Variants in B4GALT7 observed in about 807,000 individuals in gnomAD.
B4GALT7 encodes the protein UDP-Gal:beta-GlcNAc beta-1,4-galactosyltransferase 7.
In B4GALT7, 30 loss-of-function variants were observed where a neutral mutation model predicts 33.0. The ratio of observed to expected loss-of-function variants is 0.91; its 90% confidence interval spans 0.68 to 1.23. The LOEUF is 1.23. Ranked by LOEUF, B4GALT7 falls within the 50% of genes most tolerant of loss-of-function variation. B4GALT7 has a pLI of 0.00. For missense variants in B4GALT7, 507 were observed against 450.8 expected, an observed-to-expected ratio of 1.12 and a Z score of -1.13; for synonymous variants, 213 against 187.2, an observed-to-expected ratio of 1.14 and a Z score of -1.13.
intron 5 of B4GALT7, 138 bp from the exon 6 acceptor site, chr5:177,609,402 G>T: frequency 8.7e-7 from 1 of 1,143,396 alleles, no homozygotes; most frequent in Admixed American, 1.7e-5. Context: ...TGGGCAAGAG[G>T]CTTCACTGCT....
At chr5:177,602,785 AGAG>A (rs1447379549) in intron 1 of B4GALT7, 2 of 981,364 alleles carry the variant, frequency 2.0e-6, no homozygotes, top group Non-Finnish European at 2.4e-6. Flanking sequence ...TCTGGCAAAC[AGAG>A]GAGGGTCATT....
At chr5:177,602,520 G>A (rs1767873220) in intron 1 of B4GALT7, among the ~76,000 whole-genome samples, 1 of 152,118 alleles carries the variant, frequency 6.6e-6, no homozygotes. Context: ...GGAGCATTAT[G>A]GGGGCAGGGG....
At position 177,608,395 on chromosome 5, in the gene B4GALT7, C is replaced by A. The variant is rs997315062; in HGVS notation, c.640-144C>A. ...CCGGGACGCGCTGCTTCCTGCCGCC[C>A]GCACTGCAGAAGTGCAGGAGCCTGC... On this transcript the variant is annotated intron_variant, in intron 3 of 5. Transcript: ENST00000029410. The surrounding 1 kb of genome is among the most constrained non-coding windows in gnomAD (Gnocchi z 4.1). 1.4e-6 allele frequency: 1 copy of A among 700,732 alleles called. No homozygotes were observed. The highest frequency in any genetic ancestry group is 2.5e-6 in the Non-Finnish European group (1 of 400,322). The allele number at this position is 700,732 out of a possible 1,614,324, so 43.4% of individuals were successfully genotyped here. A position where few individuals can be genotyped will look rare whatever the true frequency, so the allele number is the denominator to read the frequency against.
At chr5:177,601,962 T>A (rs559151556) in intron 1 of B4GALT7, among the ~76,000 whole-genome samples, 1 of 152,322 alleles carries the variant, frequency 6.6e-6, no homozygotes, top group South Asian at 2.1e-4. Context: ...GGAATTAGCG[T>A]GTGGACGTGC....
At chr5:177,609,144 G>A (rs1768104984) in intron 5 of B4GALT7, 130 bp downstream of exon 5, 1 of 872,074 alleles carries the variant, frequency 1.1e-6, no homozygotes, top group Admixed American at 2.0e-5. Context: ...TCAGTCGACG[G>A]GCATTCTGCT....
At position 177,602,684 on chromosome 5, in the gene B4GALT7, A is replaced by T. The variant is rs539983294; in HGVS notation, c.51-1495A>T. The T allele has an allele frequency of 8.2e-5, 17 of 208,460 alleles. No homozygotes were observed. The Admixed American group carries it at 1.0e-3, about 13-fold the overall frequency. The allele number at this position is 208,460 out of a possible 1,614,324, so 12.9% of individuals were successfully genotyped here. On this transcript the variant is annotated intron_variant, in intron 1 of 5. Coordinates refer to ENST00000029410, the MANE Select transcript of B4GALT7 (RefSeq NM_007255.3). Reference sequence around the variant, plus strand: ...GTGGAGAAGCTCCGAGGTGCCCAACATGAGAACATGGGGCGAAGGCTTGGG... The same window carrying T: ...GTGGAGAAGCTCCGAGGTGCCCAACTTGAGAACATGGGGCGAAGGCTTGGG...
Position 177,607,228 on chromosome 5 carries a change from C to T in B4GALT7, c.414-74C>T, listed in dbSNP as rs1041108802. 24 of 1,363,294 alleles carry T rather than the reference C, an allele frequency of 1.8e-5. No individual in the cohort carries two copies. The East Asian group carries it at 5.5e-4, about 31-fold the overall frequency. The allele number at this position is 1,363,294 out of a possible 1,614,324, so 84.4% of individuals were successfully genotyped here. ...GAGGGCAGCATAGGCACCATGGGGA[C>T]CCCCGGGTGGGTGCTGAGCCCCAGG... On this transcript the variant is annotated intron_variant, in intron 2 of 5. Coordinates refer to ENST00000029410, the MANE Select transcript of B4GALT7 (RefSeq NM_007255.3).
intron 1 of B4GALT7, 187 bp from the exon 2 acceptor site, chr5:177,603,992 G>A: frequency 1.2e-6 from 1 of 868,066 alleles, no homozygotes; most frequent in Non-Finnish European, 1.8e-6. Context: ...TGGGTCTAGA[G>A]AGGCAAGCAG....
chr5:177,606,287 A>C lies in B4GALT7; in HGVS notation c.414-1015A>C, dbSNP rs1768008318. On this transcript the variant is annotated intron_variant, in intron 2 of 5. Transcript: ENST00000029410. This position sits in a 1 kb window ranked among gnomAD's most constrained non-coding sequence, Gnocchi z 4.2. ...ACGTGGTGGCCTCAGAGCTACTGCA[A>C]GCTTCCATGATCACAGCTGAATTGC... 6.6e-6 allele frequency: 1 copy of C among 152,400 alleles called. No individual in the cohort carries two copies. The highest frequency in any genetic ancestry group is 6.5e-5 in the Admixed American group (1 of 15,282). The allele number at this position is 152,400 out of a possible 1,614,324, so 9.4% of individuals were successfully genotyped here.
At chr5:177,603,294 TC>T in intron 1 of B4GALT7, 6 of 985,336 alleles carry the variant, frequency 6.1e-6, no homozygotes, top group Non-Finnish European at 7.2e-6. Flanking sequence ...AGGAAGCTTC[TC>T]CCTTCATGGA....
chr5:177,604,975 C>T (rs1205650691), intron 2 of B4GALT7: 1 of 456,952 alleles, frequency 2.2e-6, no homozygotes, highest in Non-Finnish European at 4.4e-6. Context: ...CTGCCCTTAC[C>T]AAAAAGTGCT....
In B4GALT7 at chr5:177,604,346, G is replaced by T. The variant is rs777486041; in HGVS notation, c.218G>T (p.Arg73Leu). Residue 73 changes from arginine (R) to leucine (L), a missense_variant, in exon 2 of 6, where the codon CGT (arginine) becomes CTT (leucine). Arg to Leu is a moderately radical substitution (Grantham distance 102, BLOSUM62 -2). Transcript: ENST00000029410. ...GQGQETSGPP[R>L]ACPPEPPPEH... Reference sequence around the variant, plus strand: ...GGGCAGGAGACCTCGGGCCCTCCCCGTGCCTGCCCCCCAGAGCCGCCCCCT... The same window carrying T: ...GGGCAGGAGACCTCGGGCCCTCCCCTTGCCTGCCCCCCAGAGCCGCCCCCT... 1.2e-6 allele frequency: 2 copies of T among 1,611,242 alleles called. No homozygotes were observed. The highest frequency in any genetic ancestry group is 1.7e-6 in the Non-Finnish European group (2 of 1,178,776).
Position 177,601,878 on chromosome 5 carries a change from C to T in B4GALT7, c.50+1618C>T, listed in dbSNP as rs561771602. Among the ~76,000 whole-genome samples the T allele has an allele frequency of 3.3e-5, 5 of 152,186 alleles. No individual in the cohort carries two copies. The Middle Eastern group carries it at 0.01, about 311-fold the overall frequency. ...CTCTGGGTTCAATCCAGTTGCTCTG[C>T]GGTTTGTGCTCTTAGAGCACAGGAT... On this transcript the variant is annotated intron_variant, in intron 1 of 5. Transcript: ENST00000029410.
chr5:177,603,555 C>T (rs1221281374), intron 1 of B4GALT7, among the ~76,000 whole-genome samples: 1 of 152,134 alleles, frequency 6.6e-6, no homozygotes, highest in Non-Finnish European at 1.5e-5. Flanking sequence ...GTTTGAGGCT[C>T]GTTCAGTGAA....
intron 2 of B4GALT7, chr5:177,605,183 G>T: frequency 2.6e-6 from 1 of 382,130 alleles, no homozygotes; most frequent in Admixed American, 3.2e-5. Context: ...TACCCAACCT[G>T]GAGTCCAAGG....
rs991789240 is a variant in B4GALT7, at chr5:177,600,678, A to G, written c.50+418A>G. On this transcript the variant is annotated intron_variant, in intron 1 of 5. Coordinates refer to ENST00000029410, the MANE Select transcript of B4GALT7 (RefSeq NM_007255.3). The surrounding 1 kb of genome is among the most constrained non-coding windows in gnomAD (Gnocchi z 4.4). ...TCTCACCATGGATTTGTGTTTCTCA[A>G]TTTGTCTCTGATCCCTGAGGACGTG... Among the ~76,000 whole-genome samples, 4 of 151,666 alleles carry G rather than the reference A, an allele frequency of 2.6e-5. No homozygotes were observed. The highest frequency in any genetic ancestry group is 7.3e-5 in the African/African-American group (3 of 41,230).
chr5:177,602,453 A>C (rs1173836316), intron 1 of B4GALT7, among the ~76,000 whole-genome samples: 1 of 152,196 alleles, frequency 6.6e-6, no homozygotes, highest in Non-Finnish European at 1.5e-5. Flanking sequence ...CGGCCTGAGA[A>C]GCAAGGACAC....
chr5:177,608,001 G>A lies in B4GALT7; in HGVS notation c.639+474G>A. ...ACTGGCTCTTGATTGGCCGGCTTGA[G>A]TGCTGAGCCCACCCCTCAGCCAGTC... On this transcript the variant is annotated intron_variant, in intron 3 of 5. Transcript: ENST00000029410. This position sits in a 1 kb window ranked among gnomAD's most constrained non-coding sequence, Gnocchi z 4.1. The A allele has an allele frequency of 8.1e-6, 2 of 246,350 alleles. No homozygotes were observed. Among genetic ancestry groups the A allele is most frequent in the South Asian group, 5.2e-5 (1 of 19,314 alleles). 15.3% of individuals were successfully genotyped at this position (246,350 alleles called of 1,614,324 possible).
At position 177,607,450 on chromosome 5, in the gene B4GALT7, C is replaced by G. The variant is rs752949794; in HGVS notation, c.562C>G (p.Pro188Ala). The G allele has an allele frequency of 6.2e-7, 1 of 1,613,906 alleles. No individual in the cohort carries two copies. The highest frequency in any genetic ancestry group is 2.2e-5 in the East Asian group (1 of 44,880). Reference protein sequence around the residue: ...PEAGPFHVASPELHPLYHYKT... With the variant: ...PEAGPFHVASAELHPLYHYKT... ...GGCTGGGCCCTTCCACGTGGCCTCC[C>G]CGGAGCTCCACCCTCTCTACCACTA... is the stretch of plus-strand genomic sequence containing the variant. Residue 188 changes from proline (P) to alanine (A), a missense_variant, in exon 3 of 6, where the codon CCG becomes GCG. Physicochemically the swap from Pro to Ala is conservative, Grantham distance 27. Transcript: ENST00000029410.
Sources: gnomAD v4.1 joint callset for allele counts (sites outside exome capture counted in the v4.1 genomes callset) on GRCh38, gnomAD v4.1.1 for gene constraint, Gnocchi (gnomAD v3.1) non-coding constraint, MANE v1.5 for transcripts, NCBI Gene and HGNC (gene_info 2026-07-23, HGNC 2026-07-21) for gene names.